Variants in SUGCT observed in about 807,000 individuals in gnomAD.
SUGCT encodes the protein succinyl-CoA:glutarate CoA-transferase.
In SUGCT, 41 loss-of-function variants were observed where a neutral mutation model predicts 55.0. The ratio of observed to expected loss-of-function variants is 0.74; its 90% confidence interval spans 0.58 to 0.97. SUGCT has a LOEUF of 0.97. Among genes scored for constraint, SUGCT ranks in the 50% least tolerant of loss-of-function variants. SUGCT has a pLI of 0.00. For synonymous variants in SUGCT, 187 were observed against 200.4 expected (o/e 0.93, Z 0.56); for missense variants, 568 against 547.8 (o/e 1.04, Z -0.37).
chr7:41,027,987 G>A, the SUGCT span, among the ~76,000 whole-genome samples: 1 of 152,246 alleles, frequency 6.6e-6, no homozygotes, highest in Non-Finnish European at 1.5e-5. Context: ...CTGTAAAATG[G>A]GTAGATATTG....
chr7:40,936,833 T>A, the SUGCT span, among the ~76,000 whole-genome samples: 9 of 152,076 alleles, frequency 5.9e-5, no homozygotes, highest in Non-Finnish European at 1.3e-4. Flanking sequence ...TTTTAAGTTT[T>A]TCTTATGATT....
the SUGCT span, among the ~76,000 whole-genome samples, chr7:40,880,299 G>A: frequency 6.6e-6 from 1 of 152,186 alleles, no homozygotes; most frequent in Non-Finnish European, 1.5e-5. Flanking sequence ...TCAGGCAAGA[G>A]TACTTCATAA....
At chr7:40,649,608 AAGAT>A (rs991200850) in intron 12 of SUGCT, among the ~76,000 whole-genome samples, 3 of 152,038 alleles carry the variant, frequency 2.0e-5, no homozygotes, top group Admixed American at 2.0e-4. Flanking sequence ...TTTGTTATTA[AAGAT>A]AGATTGATTG....
At chr7:40,905,035 C>G in the SUGCT span, among the ~76,000 whole-genome samples, 1 of 152,118 alleles carries the variant, frequency 6.6e-6, no homozygotes, top group African/African-American at 2.4e-5. Flanking sequence ...ATGGTTAACT[C>G]ATGGAGTGAG....
At chr7:40,669,595 A>G (rs1562936728) in intron 12 of SUGCT, among the ~76,000 whole-genome samples, 1 of 151,340 alleles carries the variant, frequency 6.6e-6, no homozygotes, top group Non-Finnish European at 1.5e-5. Flanking sequence ...AAAGAATCAA[A>G]TGGACATTTT....
chr7:40,708,656 T>C (rs769070681), intron 12 of SUGCT, among the ~76,000 whole-genome samples: 1 of 152,160 alleles, frequency 6.6e-6, no homozygotes, highest in Admixed American at 6.6e-5. Flanking sequence ...ACTCCCTTGC[T>C]GAGCAAACCC....
chr7:40,439,062 G>GTATATATATA lies in SUGCT; in HGVS notation c.817-10224_817-10223insATATATATAT, dbSNP rs1491138302. On this transcript the variant is annotated intron_variant, in intron 9 of 13. Transcript: ENST00000335693. ...TATATATATATATGGTATATATATG[G>GTATATATATA]TGTATATATATATATATATATATAT... is the stretch of plus-strand genomic sequence containing the variant. Among the ~76,000 whole-genome samples the GTATATATATA allele has an allele frequency of 4.3e-3, 203 of 47,014 alleles. 20 individuals carry two copies. The highest frequency in any genetic ancestry group is 0.012 in the African/African-American group (188 of 15,868). 30.8% of individuals were successfully genotyped at this position (47,014 alleles called of 152,430 possible).
intron 9 of SUGCT, among the ~76,000 whole-genome samples, chr7:40,327,497 C>G (rs1266154807): frequency 6.6e-6 from 1 of 152,168 alleles, no homozygotes; most frequent in Non-Finnish European, 1.5e-5. Flanking sequence ...GTAACTATTG[C>G]ACAAAGAATA....
intron 12 of SUGCT, among the ~76,000 whole-genome samples, chr7:40,604,072 A>G (rs560561386): frequency 1.2e-4 from 19 of 152,114 alleles, no homozygotes; most frequent in Non-Finnish European, 2.2e-4. Context: ...AGACCTTTGC[A>G]TAGGAGTGGG....
At position 40,343,918 on chromosome 7, in the gene SUGCT, A is replaced by G. The variant is rs111260813; in HGVS notation, c.816+27063A>G. Among the ~76,000 whole-genome samples the G allele has an allele frequency of 5.2e-3, 790 of 152,276 alleles. 8 individuals are homozygous for G. The highest frequency in any genetic ancestry group is 0.018 in the African/African-American group (733 of 41,570). ...TGATCTGCCCGCCTCGGCCTCCCAA[A>G]GTGCTGGGATTACAGGCGTGAGTCA... On this transcript the variant is annotated intron_variant, in intron 9 of 13. Coordinates refer to ENST00000335693, the MANE Select transcript of SUGCT (RefSeq NM_001193313.2).
intron 11 of SUGCT, among the ~76,000 whole-genome samples, chr7:40,462,016 A>T (rs763436296): frequency 5.3e-5 from 8 of 152,200 alleles, no homozygotes; most frequent in Non-Finnish European, 7.3e-5. Flanking sequence ...GCGCTCAAGA[A>T]ATATTTATTG....
chr7:40,329,308 G>C (rs1796181097), intron 9 of SUGCT, among the ~76,000 whole-genome samples: 1 of 152,098 alleles, frequency 6.6e-6, no homozygotes, highest in Non-Finnish European at 1.5e-5. Context: ...CTGGAGACTT[G>C]AACAAATCAT....
intron 6 of SUGCT, among the ~76,000 whole-genome samples, chr7:40,198,686 C>A (rs1340796770): frequency 2.2e-5 from 3 of 134,620 alleles, no homozygotes; most frequent in East Asian, 2.1e-4. Context: ...CATGACAAAA[C>A]CCCCGTCTCT....
At chr7:40,684,252 A>G (rs1326503389) in intron 12 of SUGCT, 4 of 1,372,338 alleles carry the variant, frequency 2.9e-6, no homozygotes, top group East Asian at 5.1e-5. Flanking sequence ...ATTCATTTAC[A>G]TCACAGGTTT....
chr7:40,172,822 G>A (rs960727607), intron 1 of SUGCT, among the ~76,000 whole-genome samples: 5 of 152,156 alleles, frequency 3.3e-5, no homozygotes, highest in African/African-American at 1.2e-4. Context: ...TTGTTAGAAA[G>A]CCTTTTCCCA....
chr7:40,818,753 G>A (rs1052199481), intron 13 of SUGCT, among the ~76,000 whole-genome samples: 1 of 151,968 alleles, frequency 6.6e-6, no homozygotes, highest in Non-Finnish European at 1.5e-5. Flanking sequence ...TGTTTCCAAG[G>A]TAACATTATC....
At chr7:40,282,266 G>A (rs1043888986) in intron 8 of SUGCT, among the ~76,000 whole-genome samples, 1 of 151,914 alleles carries the variant, frequency 6.6e-6, no homozygotes, top group African/African-American at 2.4e-5. Context: ...TCAGAAGTTT[G>A]AGACCAGCCT....
chr7:40,500,233 G>C (rs1256422343), intron 12 of SUGCT, among the ~76,000 whole-genome samples: 1 of 152,162 alleles, frequency 6.6e-6, no homozygotes, highest in Non-Finnish European at 1.5e-5. Flanking sequence ...GTAGGGAAGA[G>C]AGGGCACAGG....
At chr7:41,024,383 A>G in the SUGCT span, among the ~76,000 whole-genome samples, 1 of 152,222 alleles carries the variant, frequency 6.6e-6, no homozygotes, top group Non-Finnish European at 1.5e-5. Flanking sequence ...GTATAACAAA[A>G]GGCAATCCAA....
Sources: gnomAD v4.1 joint callset for allele counts (sites outside exome capture counted in the v4.1 genomes callset) on GRCh38, gnomAD v4.1.1 for gene constraint, MANE v1.5 for transcripts, NCBI Gene and HGNC (gene_info 2026-07-23, HGNC 2026-07-21) for gene names.